The following PEX5L variants were observed in gnomAD, a reference collection of about 807,000 sequenced individuals.
The protein encoded by PEX5L is peroxisomal biogenesis factor 5 like, also known as PEX5-related protein.
Under a neutral mutation model 84.0 loss-of-function variants are expected in PEX5L, and 30 were observed. The ratio of observed to expected loss-of-function variants is 0.36; its 90% CI spans 0.27 to 0.48. PEX5L has a LOEUF of 0.48. PEX5L is among the 20% of genes least tolerant of loss of function. PEX5L has a pLI of 0.99. For missense variants in PEX5L, 533 were observed against 754.6 expected, an observed-to-expected ratio of 0.71 and a Z score of 3.44; for synonymous variants, 270 against 283.1, an observed-to-expected ratio of 0.95 and a Z score of 0.46.
intron 1 of PEX5L, among the ~76,000 whole-genome samples, chr3:180,007,334 A>G (rs1789000073): frequency 6.6e-6 from 1 of 152,192 alleles, no homozygotes; most frequent in African/African-American, 2.4e-5. Context: ...GGTTTTGGGC[A>G]GCTCCACCCC....
chr3:179,949,969 C>T (rs1455180891), intron 2 of PEX5L, among the ~76,000 whole-genome samples: 1 of 152,196 alleles, frequency 6.6e-6, no homozygotes, highest in Non-Finnish European at 1.5e-5. Flanking sequence ...CCTGACATCT[C>T]ACCTACCACT....
At chr3:180,020,258 TACA>T (rs1307804603) in intron 1 of PEX5L, among the ~76,000 whole-genome samples, 1 of 152,086 alleles carries the variant, frequency 6.6e-6, no homozygotes, top group Non-Finnish European at 1.5e-5. Context: ...TTTAAACCAA[TACA>T]ACAAAATATT....
chr3:179,820,543 G>T (rs1290522131), intron 8 of PEX5L: 1 of 152,348 alleles, frequency 6.6e-6, no homozygotes, highest in Non-Finnish European at 1.5e-5. Flanking sequence ...GGCAAACTTG[G>T]TCTGCTGGTG....
chr3:179,863,173 A>G (rs533875221), intron 7 of PEX5L, among the ~76,000 whole-genome samples: 2 of 152,352 alleles, frequency 1.3e-5, no homozygotes, highest in Admixed American at 1.3e-4. Flanking sequence ...CTCACATTAT[A>G]TACAAAAACC....
At chr3:179,966,748 A>C (rs1200386090) in intron 2 of PEX5L, among the ~76,000 whole-genome samples, 1 of 152,170 alleles carries the variant, frequency 6.6e-6, no homozygotes, top group African/African-American at 2.4e-5. Flanking sequence ...GTTATAATTT[A>C]TCTCTTCTTT....
intron 2 of PEX5L, among the ~76,000 whole-genome samples, chr3:179,923,147 T>C (rs1158679926): frequency 6.6e-6 from 1 of 151,700 alleles, no homozygotes; most frequent in Non-Finnish European, 1.5e-5. Context: ...AAAAATTAGT[T>C]GGGCTTGGTG....
At chr3:179,818,728 A>G (rs926350767) in intron 9 of PEX5L, among the ~76,000 whole-genome samples, 5 of 151,904 alleles carry the variant, frequency 3.3e-5, no homozygotes, top group African/African-American at 7.3e-5. Flanking sequence ...TGCCTGGCTT[A>G]TTTTACTTAA....
chr3:179,804,351 G>C (rs1464300004), intron 14 of PEX5L: 1 of 152,024 alleles, frequency 6.6e-6, no homozygotes, highest in African/African-American at 2.4e-5. Flanking sequence ...TTAATAAAAA[G>C]CCCATTCATT....
chr3:179,862,472 ATTGTCTTG>A (rs1480892995), intron 7 of PEX5L, among the ~76,000 whole-genome samples: 2 of 152,180 alleles, frequency 1.3e-5, no homozygotes, highest in Non-Finnish European at 1.5e-5. Context: ...GTGATATCTT[ATTGTCTTG>A]TAGAAAGTTA....
chr3:179,961,725 G>A (rs1782093465), intron 2 of PEX5L, among the ~76,000 whole-genome samples: 1 of 152,126 alleles, frequency 6.6e-6, no homozygotes, highest in Non-Finnish European at 1.5e-5. Context: ...AAATCATTGA[G>A]GGACAAATAT....
chr3:179,819,644 G>A (rs570839937), intron 9 of PEX5L, among the ~76,000 whole-genome samples: 7 of 152,300 alleles, frequency 4.6e-5, no homozygotes, highest in Admixed American at 1.3e-4. Context: ...TCTGAACACC[G>A]ATAAAAATAA....
At chr3:179,951,559 G>A (rs1469442523) in intron 2 of PEX5L, among the ~76,000 whole-genome samples, 1 of 152,178 alleles carries the variant, frequency 6.6e-6, no homozygotes, top group Non-Finnish European at 1.5e-5. Flanking sequence ...GATGATGAAT[G>A]AGGATTCAGC....
chr3:179,910,815 G>C (rs1042209784), intron 2 of PEX5L, among the ~76,000 whole-genome samples: 3 of 152,020 alleles, frequency 2.0e-5, no homozygotes, highest in Non-Finnish European at 2.9e-5. Flanking sequence ...CCTTTCTATG[G>C]GTATGCAGAT....
chr3:179,933,961 C>G (rs1297138514), intron 2 of PEX5L, among the ~76,000 whole-genome samples: 5 of 152,208 alleles, frequency 3.3e-5, no homozygotes, highest in Non-Finnish European at 1.5e-5. Context: ...CAGAACACTT[C>G]TCTAGCTGGG....
intron 2 of PEX5L, among the ~76,000 whole-genome samples, chr3:179,914,451 A>C (rs961235718): frequency 6.6e-6 from 1 of 152,164 alleles, no homozygotes; most frequent in African/African-American, 2.4e-5. Context: ...TTCTAGATTC[A>C]GCACAATCAC....
In PEX5L at chr3:179,854,614, T is replaced by C. The variant is rs185863774; in HGVS notation, c.822+4448A>G. Among the ~76,000 whole-genome samples, 10 of 152,290 alleles carry C rather than the reference T, an allele frequency of 6.6e-5. 1 individual carries two copies. The highest frequency in any genetic ancestry group is 2.4e-4 in the African/African-American group (10 of 41,558). On this transcript the variant is annotated intron_variant, in intron 8 of 14. Transcript: ENST00000467460. ...TATTAAAATGGAGATACAGTTATGT[T>C]GGAAGGTTATATGGCACTTTATATA...
chr3:180,013,198 T>A (rs1007280664), intron 1 of PEX5L, among the ~76,000 whole-genome samples: 16 of 152,330 alleles, frequency 1.1e-4, no homozygotes, highest in Middle Eastern at 3.4e-3. Context: ...CTTAATAATA[T>A]GCCCTAGCAA....
intron 7 of PEX5L, among the ~76,000 whole-genome samples, chr3:179,864,931 G>A (rs532603380): frequency 1.4e-4 from 22 of 152,208 alleles, no homozygotes; most frequent in South Asian, 6.2e-4. Context: ...CCCAGGGCAC[G>A]TCCTTTTCTT....
chr3:180,031,667 A>G (rs147323510), intron 1 of PEX5L, among the ~76,000 whole-genome samples: 43 of 152,342 alleles, frequency 2.8e-4, no homozygotes, highest in African/African-American at 9.9e-4. Flanking sequence ...ATGTATCAAG[A>G]AGGTAATTTT....
Sources: allele counts gnomAD v4.1 joint callset (sites outside exome capture counted in the v4.1 genomes callset), GRCh38; gene constraint gnomAD v4.1.1; transcripts MANE v1.5; gene names NCBI Gene and HGNC (gene_info 2026-07-23, HGNC 2026-07-21).